The following CFAP54 variants were observed in gnomAD, a reference collection of about 807,000 sequenced individuals.
CFAP54 encodes the protein cilia- and flagella-associated protein 54.
In CFAP54, 290 loss-of-function variants were observed where a neutral mutation model predicts 370.4. The observed-to-expected ratio is 0.78, with a 90% CI of 0.71 to 0.86. The LOEUF (loss-of-function observed/expected upper bound fraction) is 0.86, where lower values mean the gene tolerates loss of function less well. CFAP54 is among the 40% of genes least tolerant of loss of function. The pLI is 0.00. For synonymous variants in CFAP54, 1,206 were observed against 1,236.5 expected, an observed-to-expected ratio of 0.98 and a Z score of 0.52; for missense variants, 3,399 against 3,528.7, an observed-to-expected ratio of 0.96 and a Z score of 0.93.
chr12:96,513,893 A>T (rs1955202185), intron 5 of CFAP54, among the ~76,000 whole-genome samples: 1 of 152,212 alleles, frequency 6.6e-6, no homozygotes, highest in Non-Finnish European at 1.5e-5. Context: ...GTGAATGCAC[A>T]CTTAAACTCT....
chr12:96,727,077 G>A (rs1388991133), intron 50 of CFAP54, among the ~76,000 whole-genome samples: 12 of 151,654 alleles, frequency 7.9e-5, no homozygotes, highest in East Asian at 1.9e-4. Flanking sequence ...ACATTTGCTG[G>A]GGAGAGCTTT....
chr12:96,508,371 C>T (rs1453312664), intron 4 of CFAP54, among the ~76,000 whole-genome samples: 1 of 151,026 alleles, frequency 6.6e-6, no homozygotes, highest in African/African-American at 2.4e-5. Flanking sequence ...CTGCAACCTC[C>T]ACCTCCTGGG....
chr12:96,845,555 A>G (rs561847707), intron 66 of CFAP54, among the ~76,000 whole-genome samples: 1 of 152,268 alleles, frequency 6.6e-6, no homozygotes, highest in South Asian at 2.1e-4. Flanking sequence ...CACCACCACC[A>G]CAATTCAGGA....
Position 96,710,943 on chromosome 12 carries a change from T to C in CFAP54, c.6724+2140T>C, listed in dbSNP as rs561862732. On this transcript the variant is annotated intron_variant, in intron 48 of 67. Transcript: ENST00000524981. ...CCTCATAGAATGAGTTGGGAAGTGT[T>C]CCCTCCTCTTTTATATTTTAGAAGA... Among the ~76,000 whole-genome samples the C allele has an allele frequency of 3.3e-4, 50 of 152,280 alleles. 1 individual carries two copies. The highest frequency in any genetic ancestry group is 1.2e-3 in the African/African-American group (50 of 41,558).
intron 46 of CFAP54, among the ~76,000 whole-genome samples, chr12:96,701,924 G>A (rs1404953471): frequency 6.6e-6 from 1 of 152,146 alleles, no homozygotes; most frequent in Non-Finnish European, 1.5e-5. Context: ...AAAGGACACT[G>A]CTTACTATTG....
At position 96,533,951 on chromosome 12, in the gene CFAP54, T is replaced by A; in HGVS notation, c.1517T>A (p.Val506Glu). The part of the protein sequence containing the change: ...EEWSLFESSA[V>E]HLIYFLQRQD... ...TGGAGTTTATTTGAATCTTCTGCTG[T>A]ACATCTTATTTATTTTCTCCAGGTA... The change falls in exon 10 of 68, where the codon GTA (valine) becomes GAA (glutamate). Residue 506 changes from valine to glutamate, a missense_variant. By Grantham distance (121) the Val-to-Glu change is moderately radical (BLOSUM62 -2). Around this residue, in one of 3 missense-constraint regions of CFAP54, gnomAD observed 44 missense variants for 82.3 expected, o/e 0.53. Transcript: ENST00000524981. 6.6e-7 allele frequency: 1 copy of A among 1,519,600 alleles called. No homozygotes were observed. The highest frequency in any genetic ancestry group is 8.8e-7 in the Non-Finnish European group (1 of 1,142,278). The allele number at this position is 1,519,600 out of a possible 1,614,324, so 94.1% of individuals were successfully genotyped here. A position where few individuals can be genotyped will look rare whatever the true frequency, so the allele number is the denominator to read the frequency against.
At chr12:96,822,024 C>G (rs1051014081) in intron 65 of CFAP54, among the ~76,000 whole-genome samples, 4 of 152,074 alleles carry the variant, frequency 2.6e-5, no homozygotes, top group Non-Finnish European at 5.9e-5. Flanking sequence ...CCCCAAAACC[C>G]TAGGGTCCAG....
chr12:96,652,080 A>G (rs1956865655), intron 36 of CFAP54, among the ~76,000 whole-genome samples: 1 of 152,168 alleles, frequency 6.6e-6, no homozygotes, highest in Non-Finnish European at 1.5e-5. Context: ...GCCTTAATAC[A>G]CTTAATCCTT....
intron 13 of CFAP54, chr12:96,540,005 T>A (rs956207096): frequency 6.6e-6 from 1 of 152,258 alleles, no homozygotes; most frequent in African/African-American, 2.4e-5. Flanking sequence ...AGTAATAATG[T>A]GAGTACATAA....
rs114710419 is a variant in CFAP54, at chr12:96,742,525, G to A, written c.7158G>A (p.Arg2386=). The change falls in exon 52 of 68, where the codon AGG becomes AGA. Residue 2386 remains arginine, a synonymous_variant. Transcript: ENST00000524981. Reference sequence around the variant, plus strand: ...ATTTCAACATTCATCTGTGGTTGAGGTGCCGCTTAGCATTGGTGACTGCAT... The same window carrying A: ...ATTTCAACATTCATCTGTGGTTGAGATGCCGCTTAGCATTGGTGACTGCAT... The part of the protein sequence containing the change: ...REYFNIHLWL[R]CRLALVTAFV... 2.7e-3 allele frequency: 4,356 copies of A among 1,613,328 alleles called. 117 individuals are homozygous for A. In the African/African-American group the frequency reaches 0.052, roughly 19 times the overall value.
chr12:96,498,550 G>A (rs1448983136), intron 1 of CFAP54, among the ~76,000 whole-genome samples: 6 of 152,184 alleles, frequency 3.9e-5, no homozygotes, highest in African/African-American at 1.4e-4. Context: ...CTACTCGGGA[G>A]GCTGAGGCAG....
intron 14 of CFAP54, 91 bp from the exon 15 acceptor site, chr12:96,547,811 C>T (rs1221468513): frequency 1.3e-5 from 7 of 530,650 alleles, no homozygotes; most frequent in Non-Finnish European, 2.2e-5. Flanking sequence ...TTGCCCTGTC[C>T]TCTTCCTCTT....
intron 63 of CFAP54, among the ~76,000 whole-genome samples, chr12:96,808,574 C>A (rs1294291861): frequency 1.3e-5 from 2 of 152,140 alleles, no homozygotes; most frequent in African/African-American, 4.8e-5. Flanking sequence ...GGATTATAAA[C>A]CACCAAAATA....
intron 22 of CFAP54, among the ~76,000 whole-genome samples, chr12:96,583,784 A>G (rs1956052240): frequency 6.6e-6 from 1 of 152,196 alleles, no homozygotes. Context: ...CCAGGAAGTC[A>G]TGTATTGGAC....
At chr12:96,808,217 TTTC>T (rs896097453) in intron 63 of CFAP54, among the ~76,000 whole-genome samples, 6 of 152,258 alleles carry the variant, frequency 3.9e-5, no homozygotes, top group African/African-American at 1.4e-4. Context: ...TTCCATTGTT[TTTC>T]TTCTTCAGAG....
chr12:96,737,107 G>T (rs921323167), intron 50 of CFAP54, among the ~76,000 whole-genome samples: 1 of 152,120 alleles, frequency 6.6e-6, no homozygotes, highest in Non-Finnish European at 1.5e-5. Context: ...GATTTTTGGG[G>T]GGAGTTTGGA....
At chr12:96,549,986 C>T (rs1447216522) in intron 15 of CFAP54, among the ~76,000 whole-genome samples, 2 of 152,124 alleles carry the variant, frequency 1.3e-5, no homozygotes, top group Non-Finnish European at 2.9e-5. Context: ...ATGTATGAGA[C>T]ACTATTGTGA....
At chr12:96,685,869 G>A (rs58144275) in intron 42 of CFAP54, among the ~76,000 whole-genome samples, 2,219 of 152,222 alleles carry the variant, frequency 0.015, 48 homozygotes, top group African/African-American at 0.047. Context: ...GACTTGTTGC[G>A]TGGTCAAATG....
At chr12:96,736,380 G>C (rs1249921822) in intron 50 of CFAP54, among the ~76,000 whole-genome samples, 1 of 152,120 alleles carries the variant, frequency 6.6e-6, no homozygotes, top group Non-Finnish European at 1.5e-5. Flanking sequence ...CAGATACCAG[G>C]GAAGTGCTCT....
Sources: gnomAD v4.1 joint callset for allele counts (sites outside exome capture counted in the v4.1 genomes callset) on GRCh38, gnomAD v4.1.1 for gene constraint, gnomAD v4.1.1 regional missense constraint, MANE v1.5 for transcripts, NCBI Gene and HGNC (gene_info 2026-07-23, HGNC 2026-07-21) for gene names.